REPS2: variants seen among roughly 807,000 people sequenced by gnomAD.
The protein encoded by REPS2 is ralBP1-associated Eps domain-containing protein 2.
In REPS2, 23 loss-of-function variants were observed where a neutral mutation model predicts 53.6. The ratio of observed to expected loss-of-function variants is 0.43; its 90% CI spans 0.31 to 0.61. The LOEUF (loss-of-function observed/expected upper bound fraction) is 0.61. Among genes scored for constraint, REPS2 ranks in the 20% least tolerant of loss-of-function variants. The probability of loss-of-function intolerance (pLI) is 0.11; values close to 1 mark genes in which losing one functional copy is unlikely to be tolerated. For missense variants in REPS2, 446 were observed against 534.9 expected, an observed-to-expected ratio of 0.83 and a Z score of 1.64; for synonymous variants, 238 against 218.6, an observed-to-expected ratio of 1.09 and a Z score of -0.78.
chrX:16,985,584 T>A (rs931641968), intron 1 of REPS2, among the ~76,000 whole-genome samples: 1 of 111,921 alleles, frequency 8.9e-6, no homozygotes, highest in Non-Finnish European at 1.9e-5. Context: ...TAGAGAAGAC[T>A]GAAAAAAATC....
chrX:17,186,964 C>A, the REPS2 span, among the ~76,000 whole-genome samples: 1 of 110,909 alleles, frequency 9.0e-6, no homozygotes, highest in African/African-American at 3.3e-5. Flanking sequence ...AAAAAAAAAA[C>A]TACATATTGG....
intron 2 of REPS2, among the ~76,000 whole-genome samples, chrX:17,010,928 A>T (rs752833525): frequency 8.9e-6 from 1 of 111,856 alleles, no homozygotes; most frequent in Non-Finnish European, 1.9e-5. Context: ...ATCTCCAGAA[A>T]TTCTAATTTC....
intron 14 of REPS2, among the ~76,000 whole-genome samples, chrX:17,124,296 T>C (rs2063178671): frequency 8.9e-6 from 1 of 112,464 alleles, no homozygotes; most frequent in Admixed American, 9.4e-5. Flanking sequence ...TGTTGTTTGC[T>C]GGCATGCAGC....
chrX:17,167,170 C>T, the REPS2 span, among the ~76,000 whole-genome samples: 1 of 111,606 alleles, frequency 9.0e-6, no homozygotes, highest in Non-Finnish European at 1.9e-5. Flanking sequence ...TGACTTCAAC[C>T]ATATAAAATA....
chrX:17,050,197 T>TCTTTCTTTCTTTCTTTCTTC (rs773752476), intron 6 of REPS2, among the ~76,000 whole-genome samples: 15 of 46,159 alleles, frequency 3.2e-4, no homozygotes, highest in Non-Finnish European at 4.7e-4. Context: ...TTTCTTTCTT[T>TCTTTCTTTCTTTCTTTCTTC]TTTTTTTTTT....
intron 5 of REPS2, among the ~76,000 whole-genome samples, chrX:17,033,914 C>T (rs918670428): frequency 1.8e-5 from 2 of 112,094 alleles, no homozygotes; most frequent in African/African-American, 3.2e-5. Context: ...GGCCATTTCC[C>T]GGATGGTCAG....
the REPS2 span, among the ~76,000 whole-genome samples, chrX:17,181,425 T>G: frequency 8.9e-6 from 1 of 112,253 alleles, no homozygotes; most frequent in Non-Finnish European, 1.9e-5. Flanking sequence ...AAAAAGTGCC[T>G]GCATAATGGG....
intron 1 of REPS2, among the ~76,000 whole-genome samples, chrX:16,993,057 G>T (rs181334104): frequency 1.8e-5 from 2 of 112,128 alleles, no homozygotes; most frequent in Non-Finnish European, 3.8e-5. Flanking sequence ...ACGTCCTGCA[G>T]GATAAGAGAT....
At chrX:17,132,469 A>G (rs2063305795) in intron 14 of REPS2, among the ~76,000 whole-genome samples, 1 of 112,897 alleles carries the variant, frequency 8.9e-6, no homozygotes. Context: ...GGGAGCCAAG[A>G]AGATGTCTTT....
At chrX:16,954,836 A>G (rs1259877712) in intron 1 of REPS2, among the ~76,000 whole-genome samples, 7 of 82,190 alleles carry the variant, frequency 8.5e-5, no homozygotes, top group Non-Finnish European at 1.3e-4. Flanking sequence ...TTTGAGACAG[A>G]GTCTTGCTCT....
At chrX:16,994,438 T>TAC (rs780711003) in intron 1 of REPS2, among the ~76,000 whole-genome samples, 1 of 110,686 alleles carries the variant, frequency 9.0e-6, no homozygotes, top group African/African-American at 3.3e-5. Context: ...CACATATATA[T>TAC]ACACACACGT....
At chrX:16,960,491 C>T (rs899344147) in intron 1 of REPS2, among the ~76,000 whole-genome samples, 2 of 112,528 alleles carry the variant, frequency 1.8e-5, no homozygotes, top group African/African-American at 6.4e-5. Context: ...GGAATTTCCT[C>T]AACACATTAA....
chrX:16,967,389 A>AGATT (rs775917498), intron 1 of REPS2, among the ~76,000 whole-genome samples: 1 of 109,907 alleles, frequency 9.1e-6, no homozygotes, highest in Admixed American at 9.9e-5. Context: ...TAATAACAGC[A>AGATT]GATTGGTCAG....
intron 13 of REPS2, 49 bp downstream of exon 13, chrX:17,077,456 G>A (rs2062397202): frequency 8.9e-7 from 1 of 1,125,961 alleles, no homozygotes; most frequent in African/African-American, 1.8e-5. Flanking sequence ...GTTGGAGCCA[G>A]CGGATGTGTG....
chrX:16,983,361 G>A (rs1349739348), intron 1 of REPS2, among the ~76,000 whole-genome samples: 1 of 111,702 alleles, frequency 9.0e-6, no homozygotes, highest in Non-Finnish European at 1.9e-5. Context: ...ATCAAGGCTC[G>A]TTTTTAGCAG....
At chrX:17,126,900 C>G (rs1193455237) in intron 14 of REPS2, among the ~76,000 whole-genome samples, 1 of 111,962 alleles carries the variant, frequency 8.9e-6, no homozygotes, top group Non-Finnish European at 1.9e-5. Flanking sequence ...CTAGACAATT[C>G]ATGGAACTGG....
At chrX:17,069,383 T>C (rs1431687988) in intron 10 of REPS2, among the ~76,000 whole-genome samples, 3 of 112,508 alleles carry the variant, frequency 2.7e-5, no homozygotes, top group Admixed American at 9.4e-5. Context: ...TGTTAAGGCC[T>C]GCCATTGATT....
At position 17,068,345 on chromosome X, in the gene REPS2, C is replaced by T. The variant is rs146398600; in HGVS notation, c.1210-57C>T. On this transcript the variant is annotated intron_variant, in intron 9 of 17. Coordinates refer to ENST00000357277, the MANE Select transcript of REPS2 (RefSeq NM_004726.3). Reference sequence around the variant, plus strand: ...AAAAAATTTTTTTTCATCATATGTGCGCATCACTTAATTTCTGTTCCAACC... The same window carrying T: ...AAAAAATTTTTTTTCATCATATGTGTGCATCACTTAATTTCTGTTCCAACC... 1.7e-3 allele frequency: 1,750 copies of T among 1,004,640 alleles called. 3 individuals are homozygous for T. The highest frequency in any genetic ancestry group is 9.1e-3 in the Middle Eastern group (35 of 3,857). 82.8% of individuals were successfully genotyped at this position (1,004,640 alleles called of 1,213,427 possible).
chrX:16,946,838 C>G lies in REPS2; in HGVS notation c.-24C>G, dbSNP rs2060435867. The G allele has an allele frequency of 1.3e-6, 1 of 758,458 alleles. No homozygotes were observed. The highest frequency in any genetic ancestry group is 1.6e-6 in the Non-Finnish European group (1 of 644,983). The allele number at this position is 758,458 out of a possible 1,213,427, so 62.5% of individuals were successfully genotyped here. A position where few individuals can be genotyped will look rare whatever the true frequency, so the allele number is the denominator to read the frequency against. ...CAGCACCCCAGCTAGGGACAGGGCT[C>G]CGCCGCGCCCCCTTGCTGGCCCCAT... is the stretch of plus-strand genomic sequence containing the variant. On this transcript the variant is annotated 5_prime_UTR_variant, in exon 1 of 18. Transcript: ENST00000357277.
Sources: gnomAD v4.1 joint callset for allele counts (sites outside exome capture counted in the v4.1 genomes callset) on GRCh38, gnomAD v4.1.1 for gene constraint, MANE v1.5 for transcripts, NCBI Gene and HGNC (gene_info 2026-07-23, HGNC 2026-07-21) for gene names.